Variants in WWOX observed in about 807,000 individuals in gnomAD.
WWOX encodes WW domain-containing oxidoreductase.
A neutral mutation model predicts 46.2 loss-of-function variants in WWOX; 69 were observed. The ratio of observed to expected loss-of-function variants is 1.49; its 90% CI spans 1.23 to 1.82. WWOX has a LOEUF of 1.82. WWOX is among the 40% of genes most tolerant of loss of function. The pLI is 0.00. For missense variants in WWOX, 919 were observed against 542.6 expected (o/e 1.69, Z -6.89); for synonymous variants, 359 against 202.6 (o/e 1.77, Z -6.56).
At chr16:78,182,278 G>A (rs565137679) in intron 5 of WWOX, among the ~76,000 whole-genome samples, 11 of 152,130 alleles carry the variant, frequency 7.2e-5, no homozygotes, top group Admixed American at 2.0e-4. Flanking sequence ...GGTACCTAGC[G>A]TGTGCTTTCC....
At chr16:78,628,408 G>A (rs1311767449) in intron 8 of WWOX, among the ~76,000 whole-genome samples, 1 of 152,162 alleles carries the variant, frequency 6.6e-6, no homozygotes, top group Non-Finnish European at 1.5e-5. Flanking sequence ...TAGGTCTGGG[G>A]TTGGGGGATT....
chr16:78,537,848 C>T lies in WWOX; in HGVS notation c.1056+105096C>T, dbSNP rs990979754. 3.3e-5 allele frequency among the ~76,000 whole-genome samples: 5 copies of T among 152,010 alleles called. No individual in the cohort carries two copies. In the South Asian group the frequency reaches 6.2e-4, roughly 19 times the overall value. On this transcript the variant is annotated intron_variant, in intron 8 of 8. Transcript: ENST00000566780. ...GATCCACCCACGTGTTGGTGCCACC[C>T]GGCAGTGGAAAAGCCTCTGGCCTCG... is the stretch of plus-strand genomic sequence containing the variant.
At chr16:78,936,682 C>T (rs892681388) in intron 8 of WWOX, among the ~76,000 whole-genome samples, 2 of 151,916 alleles carry the variant, frequency 1.3e-5, no homozygotes, top group African/African-American at 2.4e-5. Flanking sequence ...GCAACGTACC[C>T]TAGGTAAGGA....
At position 78,377,008 on chromosome 16, in the gene WWOX, C is replaced by A. The variant is rs201660866; in HGVS notation, c.517-9852C>A. On this transcript the variant is annotated intron_variant, in intron 5 of 8. Transcript: ENST00000566780. ...TTGCGGCAATCACCAGATCCCAGAT[C>A]TCTGTGTTTGGAGCTACACGTCTTT... is the stretch of plus-strand genomic sequence containing the variant. Among the ~76,000 whole-genome samples the A allele has an allele frequency of 5.3e-5, 8 of 152,352 alleles. No individual in the cohort carries two copies. In the East Asian group the frequency reaches 7.7e-4, roughly 15 times the overall value.
intron 6 of WWOX, among the ~76,000 whole-genome samples, chr16:78,402,866 G>T (rs1021808409): frequency 7.3e-6 from 1 of 136,064 alleles, no homozygotes; most frequent in African/African-American, 2.5e-5. Flanking sequence ...GCTGGTGACA[G>T]GGGGACCACT....
At chr16:78,948,027 G>T (rs1253161680) in intron 8 of WWOX, among the ~76,000 whole-genome samples, 1 of 152,232 alleles carries the variant, frequency 6.6e-6, no homozygotes, top group African/African-American at 2.4e-5. Flanking sequence ...GACGATGGAG[G>T]CCTGAAGGGC....
intron 5 of WWOX, among the ~76,000 whole-genome samples, chr16:78,372,074 T>C (rs1353943908): frequency 6.6e-6 from 1 of 152,164 alleles, no homozygotes; most frequent in African/African-American, 2.4e-5. Context: ...CTATGCCTAA[T>C]TGTGAAGGAG....
intron 6 of WWOX, among the ~76,000 whole-genome samples, chr16:78,422,173 A>G (rs1465343408): frequency 6.6e-6 from 1 of 152,152 alleles, no homozygotes; most frequent in Non-Finnish European, 1.5e-5. Flanking sequence ...TAGATTTGTA[A>G]GAACTCTTTA....
At chr16:79,012,980 T>C (rs1280828332) in intron 8 of WWOX, among the ~76,000 whole-genome samples, 1 of 152,074 alleles carries the variant, frequency 6.6e-6, no homozygotes, top group Non-Finnish European at 1.5e-5. Flanking sequence ...TCGCCTGAGG[T>C]CAGGAAGAAC....
At chr16:78,190,816 A>T (rs1457882109) in intron 5 of WWOX, among the ~76,000 whole-genome samples, 1 of 152,220 alleles carries the variant, frequency 6.6e-6, no homozygotes, top group Non-Finnish European at 1.5e-5. Context: ...GACTGCTGTG[A>T]TAATGGAGAA....
chr16:78,749,536 C>G (rs1051559866), intron 8 of WWOX, among the ~76,000 whole-genome samples: 2 of 151,806 alleles, frequency 1.3e-5, no homozygotes, highest in African/African-American at 4.8e-5. Flanking sequence ...GTTGTTTTAC[C>G]CTAGGGCTAT....
chr16:78,832,191 G>A (rs188488731), intron 8 of WWOX, among the ~76,000 whole-genome samples: 8 of 152,138 alleles, frequency 5.3e-5, no homozygotes, highest in Non-Finnish European at 1.2e-4. Context: ...TGAAGGGGAG[G>A]TTTCGTGTCC....
intron 6 of WWOX, among the ~76,000 whole-genome samples, chr16:78,404,713 G>C (rs2082486740): frequency 6.6e-6 from 1 of 152,154 alleles, no homozygotes; most frequent in African/African-American, 2.4e-5. Context: ...GTTGAAGTGA[G>C]GCTAGTAGGT....
At chr16:78,490,951 G>A (rs143720110) in intron 8 of WWOX, among the ~76,000 whole-genome samples, 111 of 152,206 alleles carry the variant, frequency 7.3e-4, no homozygotes, top group African/African-American at 2.2e-3. Context: ...CGGGCAACTC[G>A]GCTTGGCTCA....
chr16:78,850,278 A>G (rs2052409449), intron 8 of WWOX, among the ~76,000 whole-genome samples: 1 of 152,152 alleles, frequency 6.6e-6, no homozygotes, highest in Admixed American at 6.5e-5. Context: ...TGGTTAACCC[A>G]TTCAGATTTT....
intron 8 of WWOX, among the ~76,000 whole-genome samples, chr16:78,938,236 G>C (rs1283920175): frequency 1.3e-5 from 2 of 152,212 alleles, no homozygotes; most frequent in Non-Finnish European, 2.9e-5. Flanking sequence ...ACCTGGACGT[G>C]AACTAGAGGT....
chr16:78,100,278 G>A lies in WWOX; in HGVS notation c.107+393G>A, dbSNP rs187725827. On this transcript the variant is annotated intron_variant, in intron 1 of 8. Coordinates refer to ENST00000566780, the MANE Select transcript of WWOX (RefSeq NM_016373.4). ...TGTTTTGTTTTGTTTTGTCCAGACC[G>A]GTATTGCTCAGTCATCCAGGCTGGA... is the stretch of plus-strand genomic sequence containing the variant. 9.3e-6 allele frequency: 10 copies of A among 1,073,950 alleles called. No homozygotes were observed. The Admixed American group carries it at 4.7e-4, about 51-fold the overall frequency. 66.5% of individuals were successfully genotyped at this position (1,073,950 alleles called of 1,614,324 possible). A position where few individuals can be genotyped will look rare whatever the true frequency, so the allele number is the denominator to read the frequency against.
intron 8 of WWOX, among the ~76,000 whole-genome samples, chr16:79,063,989 A>G (rs1006537261): frequency 1.3e-5 from 2 of 152,212 alleles, no homozygotes; most frequent in African/African-American, 4.8e-5. Flanking sequence ...AGATGACTCT[A>G]GCCAGGCCAT....
At chr16:78,521,364 AT>A (rs2043344582) in intron 8 of WWOX, among the ~76,000 whole-genome samples, 1 of 151,966 alleles carries the variant, frequency 6.6e-6, no homozygotes, top group Admixed American at 6.6e-5. Context: ...CCTTGATATT[AT>A]TTTTTAATGG....
Sources: gnomAD v4.1 joint callset for allele counts (sites outside exome capture counted in the v4.1 genomes callset) on GRCh38, gnomAD v4.1.1 for gene constraint, MANE v1.5 for transcripts, NCBI Gene and HGNC (gene_info 2026-07-23, HGNC 2026-07-21) for gene names.